The following MYO16 variants were observed in gnomAD, a reference collection of about 807,000 sequenced individuals.
MYO16 encodes myosin XVI, also known as unconventional myosin-XVI.
In MYO16, 94 loss-of-function variants were observed where a neutral mutation model predicts 205.3. That is an observed-to-expected ratio of 0.46 (90% CI 0.39 to 0.54). The LOEUF is 0.54. MYO16 is among the 20% of genes least tolerant of loss of function. The pLI is 0.00. For synonymous variants in MYO16, 988 were observed against 954.0 expected (o/e 1.04, Z -0.66); for missense variants, 2,315 against 2,387.5 (o/e 0.97, Z 0.63).
the MYO16 span, among the ~76,000 whole-genome samples, chr13:108,515,881 C>G: frequency 3.4e-5 from 2 of 59,054 alleles, no homozygotes; most frequent in African/African-American, 1.4e-4. Flanking sequence ...CTCTTCAAAG[C>G]TGTCAGACAG....
rs532892640 is a variant in MYO16, at chr13:108,806,696, G to A, written c.759G>A (p.Ala253=). 5.3e-5 allele frequency: 86 copies of A among 1,613,102 alleles called. No homozygotes were observed. In the South Asian group the frequency reaches 7.6e-4, roughly 14 times the overall value. The change falls in exon 7 of 35, where the codon GCG becomes GCA. Residue 253 remains alanine, a synonymous_variant. Transcript: ENST00000457511. ...CGCTGCAGTTACACATGGCGTGTGCGAGTGGCTACAAGGAGGTGGTGTCTC... is the reference window on the plus strand; with the variant it reads ...CGCTGCAGTTACACATGGCGTGTGCAAGTGGCTACAAGGAGGTGGTGTCTC... ...EGVTLLHMAC[A]SGYKEVVSLI...
intron 16 of MYO16, among the ~76,000 whole-genome samples, chr13:108,926,623 C>A (rs1882019620): frequency 6.6e-6 from 1 of 152,036 alleles, no homozygotes; most frequent in Admixed American, 6.6e-5. Context: ...GTGAGTGGAA[C>A]CTGTCATCTA....
chr13:108,519,725 G>T, the MYO16 span, among the ~76,000 whole-genome samples: 1 of 151,152 alleles, frequency 6.6e-6, no homozygotes, highest in African/African-American at 2.4e-5. Flanking sequence ...GTTTACAAAG[G>T]CTATCTAAGC....
chr13:108,628,464 G>A (rs1339931960), upstream of MYO16, among the ~76,000 whole-genome samples: 1 of 152,076 alleles, frequency 6.6e-6, no homozygotes, highest in Non-Finnish European at 1.5e-5. Context: ...ATAAAGATTA[G>A]GAATTATATT....
intron 16 of MYO16, among the ~76,000 whole-genome samples, chr13:108,923,208 G>A (rs1251966072): frequency 1.3e-5 from 2 of 152,230 alleles, no homozygotes; most frequent in African/African-American, 2.4e-5. Context: ...TGGGGGCTGC[G>A]TGTATCCATC....
the MYO16 span, among the ~76,000 whole-genome samples, chr13:108,548,982 A>G: frequency 6.6e-6 from 1 of 152,132 alleles, no homozygotes; most frequent in Non-Finnish European, 1.5e-5. Flanking sequence ...ATAGATATAC[A>G]GATCGATAAA....
intron 33 of MYO16, among the ~76,000 whole-genome samples, chr13:109,174,939 G>A (rs754737168): frequency 7.3e-5 from 11 of 151,412 alleles, no homozygotes; most frequent in Non-Finnish European, 1.3e-4. Context: ...TTTAGTAGAG[G>A]CAGGGTTTCA....
chr13:108,864,249 TC>T (rs1878595480), intron 11 of MYO16, among the ~76,000 whole-genome samples: 1 of 152,160 alleles, frequency 6.6e-6, no homozygotes, highest in African/African-American at 2.4e-5. Flanking sequence ...TAATTATCAC[TC>T]CTTTTTTCCT....
intron 1 of MYO16, among the ~76,000 whole-genome samples, chr13:108,648,729 G>C (rs1282174654): frequency 2.0e-5 from 3 of 152,024 alleles, no homozygotes; most frequent in Non-Finnish European, 2.9e-5. Context: ...TATTACACGA[G>C]TCACTTGGTT....
chr13:108,907,322 A>AT (rs748723497), intron 15 of MYO16, among the ~76,000 whole-genome samples: 1 of 152,204 alleles, frequency 6.6e-6, no homozygotes, highest in East Asian at 1.9e-4. Context: ...GCATATATGA[A>AT]TATATGGACA....
At chr13:108,772,828 TA>T (rs528112496) in intron 4 of MYO16, among the ~76,000 whole-genome samples, 48 of 151,866 alleles carry the variant, frequency 3.2e-4, no homozygotes, top group Admixed American at 2.9e-3. Flanking sequence ...CGGGGGAGGA[TA>T]AAAAAGAAAA....
chr13:108,747,077 T>C (rs1028716085), intron 4 of MYO16, among the ~76,000 whole-genome samples: 3 of 152,150 alleles, frequency 2.0e-5, no homozygotes, highest in Admixed American at 1.3e-4. Flanking sequence ...AATTATCCTG[T>C]GAAAAAGAAT....
intron 31 of MYO16, among the ~76,000 whole-genome samples, chr13:109,133,716 A>G (rs1876644007): frequency 6.6e-6 from 1 of 152,224 alleles, no homozygotes; most frequent in Non-Finnish European, 1.5e-5. Flanking sequence ...AGTAGTTGCA[A>G]ACATTTTATG....
chr13:108,564,495 A>C, the MYO16 span, among the ~76,000 whole-genome samples: 14 of 151,984 alleles, frequency 9.2e-5, no homozygotes. Context: ...AAATCAGATG[A>C]TTAGATTTGT....
intron 2 of MYO16, among the ~76,000 whole-genome samples, chr13:108,693,759 A>G (rs1882986763): frequency 6.6e-6 from 1 of 152,154 alleles, no homozygotes; most frequent in Admixed American, 6.5e-5. Context: ...TTTGTTATAT[A>G]GGTGAACTCA....
intron 17 of MYO16, among the ~76,000 whole-genome samples, chr13:108,958,757 G>A (rs1024478979): frequency 6.6e-6 from 1 of 152,204 alleles, no homozygotes; most frequent in African/African-American, 2.4e-5. Flanking sequence ...AGACTTGAGA[G>A]AAACCTCTCA....
intron 20 of MYO16, among the ~76,000 whole-genome samples, chr13:108,975,395 T>C (rs1406557848): frequency 6.6e-6 from 1 of 152,140 alleles, no homozygotes; most frequent in Non-Finnish European, 1.5e-5. Flanking sequence ...ATTTATGACT[T>C]TTTAAAAGGA....
chr13:109,047,897 A>T (rs1299120966), intron 24 of MYO16, among the ~76,000 whole-genome samples: 1 of 152,102 alleles, frequency 6.6e-6, no homozygotes, highest in African/African-American at 2.4e-5. Flanking sequence ...ACTGAAGATT[A>T]TTCTGCTTGC....
the MYO16 span, among the ~76,000 whole-genome samples, chr13:108,547,946 G>T: frequency 6.6e-6 from 1 of 152,128 alleles, no homozygotes; most frequent in South Asian, 2.1e-4. Context: ...AGTGTGGTTT[G>T]TTGGAAAAAG....
Sources: gnomAD v4.1 joint callset for allele counts (sites outside exome capture counted in the v4.1 genomes callset) on GRCh38, gnomAD v4.1.1 for gene constraint, MANE v1.5 for transcripts, NCBI Gene and HGNC (gene_info 2026-07-23, HGNC 2026-07-21) for gene names.